Variants in CCDC47 observed in about 807,000 individuals in gnomAD.
CCDC47 encodes the protein coiled-coil domain containing 47, also known as PAT complex subunit CCDC47.
Under a neutral mutation model 60.5 loss-of-function variants are expected in CCDC47, and 41 were observed. The ratio of observed to expected loss-of-function variants is 0.68; its 90% confidence interval spans 0.53 to 0.88. The LOEUF (loss-of-function observed/expected upper bound fraction) is 0.88, where lower values mean the gene tolerates loss of function less well. Ranked by LOEUF, CCDC47 falls within the 40% of genes least tolerant of loss-of-function variation. The pLI, the probability that CCDC47 is intolerant of heterozygous loss-of-function variation, is 0.00. For missense variants in CCDC47, 513 were observed against 580.9 expected, an observed-to-expected ratio of 0.88 and a Z score of 1.20; for synonymous variants, 195 against 190.7, an observed-to-expected ratio of 1.02 and a Z score of -0.18.
At chr17:63,759,506 A>AAG (rs2039233784) in intron 6 of CCDC47, among the ~76,000 whole-genome samples, 1 of 24,472 alleles carries the variant, frequency 4.1e-5, no homozygotes, top group Non-Finnish European at 6.0e-5. Flanking sequence ...AAAAAAAAAA[A>AAG]AAATATATAT....
At chr17:63,764,977 G>A in intron 2 of CCDC47, 130 bp from the exon 3 acceptor site, 1 of 1,429,816 alleles carries the variant, frequency 7.0e-7, no homozygotes, top group Non-Finnish European at 9.1e-7. Context: ...GATGTTACAT[G>A]TTTTTAACAA....
Position 63,756,562 on chromosome 17 carries a change from TTTTA to T in CCDC47, c.740_743del (p.Ile247LysfsTer2). On this transcript the variant is annotated frameshift_variant, in exon 7 of 13. Coordinates refer to ENST00000225726, the MANE Select transcript of CCDC47 (RefSeq NM_020198.3). LOFTEE classifies it high-confidence loss of function. ...CCATGTCTTCATCATTCATGGTTAC[TTTTA>T]TTTGCTTTTAAAAAAATGTAAAAAA... 3 of 1,610,094 alleles carry T rather than the reference TTTTA, an allele frequency of 1.9e-6. No individual in the cohort carries two copies. The highest frequency in any genetic ancestry group is 2.5e-6 in the Non-Finnish European group (3 of 1,176,830).
intron 1 of CCDC47, among the ~76,000 whole-genome samples, chr17:63,771,769 A>C (rs901518934): frequency 1.3e-5 from 2 of 152,168 alleles, no homozygotes; most frequent in Admixed American, 6.5e-5. Context: ...TACTTTGGTG[A>C]AATTAGACTT....
Position 63,759,490 on chromosome 17 carries a change from CAAAAA to C in CCDC47, c.735+1419_735+1423del, listed in dbSNP as rs1161033742. ...GGTGATAGAGTGAGATTCTGTCTCCCAAAAAAAAAAAAAAAAAAATATATATATAT... is the reference window on the plus strand; with the variant it reads ...GGTGATAGAGTGAGATTCTGTCTCCCAAAAAAAAAAAAAATATATATATAT... On this transcript the variant is annotated intron_variant, in intron 6 of 12. Transcript: ENST00000225726. Among the ~76,000 whole-genome samples, 3 of 5,374 alleles carry C rather than the reference CAAAAA, an allele frequency of 5.6e-4. No individual in the cohort carries two copies. The African/African-American group carries it at 7.8e-3, about 14-fold the overall frequency. 3.5% of individuals were successfully genotyped at this position (5,374 alleles called of 152,430 possible). A position where few individuals can be genotyped will look rare whatever the true frequency, so the allele number is the denominator to read the frequency against.
At chr17:63,753,329 C>A in intron 9 of CCDC47, 5 of 416,374 alleles carry the variant, frequency 1.2e-5, no homozygotes, top group Non-Finnish European at 1.6e-5. Context: ...AATTGCCCTC[C>A]ATCTCATATT....
intron 8 of CCDC47, among the ~76,000 whole-genome samples, chr17:63,754,961 C>T (rs1278426361): frequency 2.0e-5 from 3 of 151,432 alleles, no homozygotes; most frequent in Admixed American, 1.3e-4. Flanking sequence ...AAGACCAAAG[C>T]GTGTTCATTG....
chr17:63,761,624 C>A (rs1282780879), intron 4 of CCDC47: 3 of 229,780 alleles, frequency 1.3e-5, no homozygotes, highest in Non-Finnish European at 2.4e-5. Context: ...TTGAACCCGG[C>A]AGGCGGAGGT....
chr17:63,767,025 A>G (rs2039302937), intron 1 of CCDC47: 1 of 691,714 alleles, frequency 1.4e-6, no homozygotes, highest in East Asian at 1.3e-4. Context: ...AAAAGCAACT[A>G]ATTTAATCCT....
At chr17:63,768,451 A>G (rs1302426786) in intron 1 of CCDC47, among the ~76,000 whole-genome samples, 1 of 149,598 alleles carries the variant, frequency 6.7e-6, no homozygotes, top group African/African-American at 2.6e-5. Flanking sequence ...ACTGTGGGAG[A>G]CTGGGGTGAG....
chr17:63,754,862 G>A (rs1400162200), intron 8 of CCDC47, among the ~76,000 whole-genome samples: 15 of 143,170 alleles, frequency 1.0e-4, no homozygotes, highest in African/African-American at 2.7e-4. Context: ...CGGTCTGGGC[G>A]ACAGAGCAAC....
chr17:63,771,033 G>GAAAGAAAGAAAGA (rs1568253157), intron 1 of CCDC47, among the ~76,000 whole-genome samples: 6 of 120,594 alleles, frequency 5.0e-5, no homozygotes, highest in African/African-American at 2.3e-4. Flanking sequence ...AGGAAGGAAG[G>GAAAGAAAGAAAGA]AAGGAAGGAA....
chr17:63,759,547 ATATATATATATATATATATATATATATAT>A lies in CCDC47; in HGVS notation c.735+1338_735+1366del, dbSNP rs1568249176. Among the ~76,000 whole-genome samples the A allele has an allele frequency of 3.4e-3, 185 of 53,958 alleles. 26 individuals carry two copies. The highest frequency in any genetic ancestry group is 0.013 in the African/African-American group (178 of 14,094). The allele number at this position is 53,958 out of a possible 152,430, so 35.4% of individuals were successfully genotyped here. A position where few individuals can be genotyped will look rare whatever the true frequency, so the allele number is the denominator to read the frequency against. On this transcript the variant is annotated intron_variant, in intron 6 of 12. Coordinates refer to ENST00000225726, the MANE Select transcript of CCDC47 (RefSeq NM_020198.3). ...TATATTTATATATATATATATATATATATATATATATATATATATATATATATATAAAACAATGATTTTCAATCCAATAA... is the reference window on the plus strand; with the variant it reads ...TATATTTATATATATATATATATATAAAAACAATGATTTTCAATCCAATAA...
intron 12 of CCDC47, among the ~76,000 whole-genome samples, chr17:63,749,673 C>A (rs557280474): frequency 6.6e-6 from 1 of 151,608 alleles, no homozygotes; most frequent in Non-Finnish European, 1.5e-5. Context: ...CGCTTGAACC[C>A]GGGAGGTGGA....
rs2039167371 is a variant in CCDC47, at chr17:63,751,778, G to A, written c.1371+162C>T. On this transcript the variant is annotated intron_variant, in intron 12 of 12. Coordinates refer to ENST00000225726, the MANE Select transcript of CCDC47 (RefSeq NM_020198.3). ...CAGTGTGGCACGGCTTGAACAGGAAGGATTATTTATTCTTCTTTATAGTGT... is the reference window on the plus strand; with the variant it reads ...CAGTGTGGCACGGCTTGAACAGGAAAGATTATTTATTCTTCTTTATAGTGT... The A allele has an allele frequency of 1.8e-5, 13 of 734,434 alleles. No homozygotes were observed. In the South Asian group the frequency reaches 1.8e-4, roughly 10 times the overall value. The allele number at this position is 734,434 out of a possible 1,614,324, so 45.5% of individuals were successfully genotyped here. A position where few individuals can be genotyped will look rare whatever the true frequency, so the allele number is the denominator to read the frequency against.
chr17:63,754,449 G>T lies in CCDC47; in HGVS notation c.1018C>A (p.Pro340Thr). The change falls in exon 9 of 13, where the codon CCA (proline) becomes ACA (threonine). Residue 340 changes from proline to threonine, a missense_variant. Physicochemically the swap from Pro to Thr is conservative, Grantham distance 38. Transcript: ENST00000225726. ...TATACGTACTCTTGCATAATTTTTG[G>T]ACCAGAGAACTGGTCTGAAAAATGA... Reference protein sequence around the residue: ...SVHFSDQFSGPKIMQEEGQPL... With the variant: ...SVHFSDQFSGTKIMQEEGQPL... 1 of 1,600,016 alleles carries T rather than the reference G, an allele frequency of 6.2e-7. No individual in the cohort carries two copies. The highest frequency in any genetic ancestry group is 1.1e-5 in the South Asian group (1 of 90,262).
chr17:63,771,294 T>A (rs1346055141), intron 1 of CCDC47, among the ~76,000 whole-genome samples: 6 of 152,072 alleles, frequency 3.9e-5, no homozygotes, highest in African/African-American at 1.5e-4. Flanking sequence ...TATATACATA[T>A]ACATATATAA....
intron 12 of CCDC47, 143 bp downstream of exon 12, chr17:63,751,797 A>ATAGCGTT (rs2039167604): frequency 8.5e-6 from 7 of 819,912 alleles, no homozygotes; most frequent in African/African-American, 6.8e-5. Context: ...ATTCTTCTTT[A>ATAGCGTT]TAGTGTTATC....
chr17:63,771,727 T>C (rs1040016093), intron 1 of CCDC47, among the ~76,000 whole-genome samples: 12 of 152,152 alleles, frequency 7.9e-5, no homozygotes, highest in African/African-American at 1.2e-4. Context: ...TGATATTTGG[T>C]CAAAAGTGGA....
intron 12 of CCDC47, chr17:63,747,808 G>A: frequency 2.0e-6 from 2 of 984,652 alleles, no homozygotes; most frequent in Non-Finnish European, 1.2e-6. Flanking sequence ...GGTTTCAAAG[G>A]GTGATTTGTA....
Sources: gnomAD v4.1 joint callset for allele counts (sites outside exome capture counted in the v4.1 genomes callset) on GRCh38, gnomAD v4.1.1 for gene constraint, MANE v1.5 for transcripts, NCBI Gene and HGNC (gene_info 2026-07-23, HGNC 2026-07-21) for gene names.